NDUFAF6: variants seen among roughly 807,000 people sequenced by gnomAD.
NDUFAF6 encodes NADH:ubiquinone oxidoreductase complex assembly factor 6.
Under a neutral mutation model 40.8 loss-of-function variants are expected in NDUFAF6, and 45 were observed. That is an observed-to-expected ratio of 1.10 (90% CI 0.87 to 1.42). The LOEUF (loss-of-function observed/expected upper bound fraction) is 1.42. Ranked by LOEUF, NDUFAF6 falls within the 40% of genes most tolerant of loss-of-function variation. The pLI is 0.00. For missense variants in NDUFAF6, 435 were observed against 418.5 expected (o/e 1.04, Z -0.34); for synonymous variants, 185 against 155.9 (o/e 1.19, Z -1.39).
upstream of NDUFAF6, among the ~76,000 whole-genome samples, chr8:95,022,698 G>A (rs998171008): frequency 6.6e-6 from 1 of 151,884 alleles, no homozygotes; most frequent in South Asian, 2.1e-4. Flanking sequence ...AAATGGGGAA[G>A]GCCTTTTTAA....
chr8:94,982,965 T>G (rs1264132273), intron 2 of NDUFAF6, among the ~76,000 whole-genome samples: 1 of 152,256 alleles, frequency 6.6e-6, no homozygotes, highest in East Asian at 1.9e-4. Context: ...TGGAACATGG[T>G]AGTCCTGGGT....
At chr8:95,046,934 T>G (rs1218639780) in intron 5 of NDUFAF6, 60 bp from the exon 6 acceptor site, 10 of 1,604,650 alleles carry the variant, frequency 6.2e-6, no homozygotes, top group Non-Finnish European at 6.8e-6. Flanking sequence ...TCTATGCTAT[T>G]TCTATTGATT....
chr8:95,043,729 G>A (rs140562921), intron 4 of NDUFAF6, among the ~76,000 whole-genome samples: 25 of 152,280 alleles, frequency 1.6e-4, no homozygotes, highest in Non-Finnish European at 2.9e-4. Flanking sequence ...AAAGATGCAC[G>A]ATAACAAGTA....
At chr8:94,987,767 C>T (rs1357094330) in intron 2 of NDUFAF6, among the ~76,000 whole-genome samples, 1 of 152,148 alleles carries the variant, frequency 6.6e-6, no homozygotes, top group Non-Finnish European at 1.5e-5. Flanking sequence ...AATCAGATTG[C>T]AACCTCAAGG....
intron 1 of NDUFAF6, among the ~76,000 whole-genome samples, chr8:94,897,657 C>A (rs543406590): frequency 4.1e-5 from 6 of 146,058 alleles, no homozygotes; most frequent in African/African-American, 1.5e-4. Context: ...GAGGCACAGG[C>A]TTAAAAAAAA....
chr8:95,049,640 CT>C (rs1403223202), intron 7 of NDUFAF6, among the ~76,000 whole-genome samples: 5 of 152,120 alleles, frequency 3.3e-5, no homozygotes, highest in Non-Finnish European at 1.5e-5. Flanking sequence ...GGCTTTTGCA[CT>C]TGCTGTTTTT....
chr8:95,076,588 CAT>C (rs1303593251), downstream of NDUFAF6, among the ~76,000 whole-genome samples: 1 of 152,172 alleles, frequency 6.6e-6, no homozygotes, highest in African/African-American at 2.4e-5. Context: ...TAAAATGACT[CAT>C]AGGCCGGGCA....
intron 1 of NDUFAF6, among the ~76,000 whole-genome samples, chr8:94,938,774 A>G (rs1187893272): frequency 6.6e-6 from 1 of 152,198 alleles, no homozygotes; most frequent in African/African-American, 2.4e-5. Context: ...CCTTTTTAAT[A>G]AACTGGTAAA....
upstream of NDUFAF6, among the ~76,000 whole-genome samples, chr8:94,956,486 C>T (rs1823084259): frequency 6.6e-6 from 1 of 152,010 alleles, no homozygotes; most frequent in Admixed American, 6.6e-5. Flanking sequence ...GGGAAAGAGA[C>T]TGGAGAAGGA....
chr8:95,089,138 G>A (rs540211198), intron 2 of NDUFAF6, among the ~76,000 whole-genome samples: 2 of 152,196 alleles, frequency 1.3e-5, no homozygotes, highest in South Asian at 4.1e-4. Context: ...TCCGCCCACT[G>A]CAACCTCTGC....
intron 2 of NDUFAF6, among the ~76,000 whole-genome samples, chr8:94,995,134 A>T (rs1424743079): frequency 3.3e-5 from 5 of 152,238 alleles, no homozygotes; most frequent in African/African-American, 9.6e-5. Context: ...GTGGAATATT[A>T]TGCAGCCTTA....
At chr8:95,098,794 C>T (rs73262477), upstream of NDUFAF6, among the ~76,000 whole-genome samples, 169 of 149,212 alleles carry the variant, frequency 1.1e-3, no homozygotes, top group African/African-American at 3.9e-3. Context: ...GTGTGGCACG[C>T]ATCTATAATC....
chr8:94,940,757 T>A, intron 1 of NDUFAF6: 1 of 1,156,842 alleles, frequency 8.6e-7, no homozygotes, highest in Non-Finnish European at 1.3e-6. Flanking sequence ...TTGGTTTCCT[T>A]ATGCAAAAAC....
intron 1 of NDUFAF6, chr8:94,940,102 A>G: frequency 1.2e-6 from 2 of 1,614,248 alleles, no homozygotes; most frequent in Non-Finnish European, 1.7e-6. Context: ...CACTTGTATC[A>G]GCCAAGCACT....
At chr8:95,050,437 C>T (rs1831300777) in intron 7 of NDUFAF6, among the ~76,000 whole-genome samples, 1 of 152,152 alleles carries the variant, frequency 6.6e-6, no homozygotes. Flanking sequence ...ACTCTGGAAC[C>T]AGAAGCCTGA....
chr8:94,936,866 C>T (rs1821028145), intron 1 of NDUFAF6, among the ~76,000 whole-genome samples: 1 of 152,140 alleles, frequency 6.6e-6, no homozygotes, highest in South Asian at 2.1e-4. Context: ...CTAGACATTC[C>T]TCTTCTACTC....
intron 1 of NDUFAF6, among the ~76,000 whole-genome samples, chr8:94,921,258 T>A (rs1444160333): frequency 1.3e-5 from 2 of 152,214 alleles, no homozygotes; most frequent in Admixed American, 6.5e-5. Flanking sequence ...TTGCCATAGT[T>A]CTCGAATCTT....
Position 95,058,698 on chromosome 8 carries a change from T to TAAAAAA in NDUFAF6, c.*761_*762insAAAAAA, listed in dbSNP as rs1417017158. On this transcript the variant is annotated 3_prime_UTR_variant, in exon 9 of 9. Transcript: ENST00000396124. ...ATTGTATTGAACATCCATTAAAGGGTTGCTACACTTTATACTGTACATTCT... is the reference window on the plus strand; with the variant it reads ...ATTGTATTGAACATCCATTAAAGGGTAAAAAATGCTACACTTTATACTGTACATTCT... 53 of 1,014,106 alleles carry TAAAAAA rather than the reference T, an allele frequency of 5.2e-5. No individual in the cohort carries two copies. Among genetic ancestry groups the TAAAAAA allele is most frequent in the Non-Finnish European group, 5.7e-5 (48 of 849,342 alleles). 62.8% of individuals were successfully genotyped at this position (1,014,106 alleles called of 1,614,324 possible).
chr8:95,031,195 G>A (rs1370390384), intron 1 of NDUFAF6, among the ~76,000 whole-genome samples: 1 of 152,172 alleles, frequency 6.6e-6, no homozygotes, highest in East Asian at 1.9e-4. Context: ...CAAGATCTGG[G>A]TGCTAGGTGT....
Sources: gnomAD v4.1 joint callset for allele counts (sites outside exome capture counted in the v4.1 genomes callset) on GRCh38, gnomAD v4.1.1 for gene constraint, MANE v1.5 for transcripts, NCBI Gene and HGNC (gene_info 2026-07-23, HGNC 2026-07-21) for gene names.